GABRR3: variants seen among roughly 807,000 people sequenced by gnomAD.
GABRR3 encodes gamma-aminobutyric acid type A receptor subunit rho3.
Under a neutral mutation model 43.2 loss-of-function variants are expected in GABRR3, and 29 were observed. That is an observed-to-expected ratio of 0.67 (90% CI 0.50 to 0.92). GABRR3 has a LOEUF of 0.92. GABRR3 is among the 40% of genes least tolerant of loss of function. The pLI is 0.00. For synonymous variants in GABRR3, 206 were observed against 195.9 expected, an observed-to-expected ratio of 1.05 and a Z score of -0.43; for missense variants, 576 against 572.3, an observed-to-expected ratio of 1.01 and a Z score of -0.07.
chr3:98,016,959 G>A (rs1056467949), intron 4 of GABRR3, among the ~76,000 whole-genome samples: 4 of 152,112 alleles, frequency 2.6e-5, no homozygotes, highest in African/African-American at 9.7e-5. Context: ...AGAAGAAACA[G>A]AAAAGCAAGG....
intron 6 of GABRR3, 101 bp from the exon 7 acceptor site, chr3:98,008,005 C>T: frequency 1.1e-6 from 1 of 913,522 alleles, no homozygotes; most frequent in Non-Finnish European, 1.6e-6. Flanking sequence ...TTAGTGCCTA[C>T]TCCAATGACA....
At chr3:98,001,853 C>T in intron 7 of GABRR3, 86 bp from the exon 8 acceptor site, 1 of 1,449,444 alleles carries the variant, frequency 6.9e-7, no homozygotes. Flanking sequence ...TCTTTAGACT[C>T]CAAGCTCTTG....
intron 7 of GABRR3, among the ~76,000 whole-genome samples, chr3:98,002,137 T>C (rs1706655410): frequency 6.6e-6 from 1 of 152,126 alleles, no homozygotes; most frequent in Non-Finnish European, 1.5e-5. Flanking sequence ...ATAAACCATT[T>C]ATTAGCTATA....
chr3:98,022,622 T>C (rs951295612), intron 3 of GABRR3, among the ~76,000 whole-genome samples: 1 of 152,222 alleles, frequency 6.6e-6, no homozygotes, highest in Admixed American at 6.5e-5. Context: ...CAAGAGAAGG[T>C]TAAGGGGTGT....
At chr3:98,019,824 A>G (rs764573690) in intron 3 of GABRR3, among the ~76,000 whole-genome samples, 9 of 152,140 alleles carry the variant, frequency 5.9e-5, no homozygotes, top group Non-Finnish European at 1.2e-4. Context: ...TAGGCCTCCT[A>G]AAGTGCTGGG....
intron 8 of GABRR3, 56 bp downstream of exon 8, chr3:98,001,559 A>G (rs1706642213): frequency 6.3e-7 from 1 of 1,583,478 alleles, no homozygotes; most frequent in Non-Finnish European, 8.6e-7. Context: ...CATTTTATTT[A>G]CCTCCCTTGA....
exon 8 of GABRR3, chr3:98,001,746 A>G: frequency 6.2e-7 from 1 of 1,613,180 alleles, no homozygotes; most frequent in Non-Finnish European, 8.5e-7. Context: ...CACAAAGTTG[A>G]TGAAAAGCCT....
chr3:98,022,331 T>A (rs545834137), intron 3 of GABRR3, among the ~76,000 whole-genome samples: 1 of 152,230 alleles, frequency 6.6e-6, no homozygotes, highest in African/African-American at 2.4e-5. Flanking sequence ...AGTCAATTAA[T>A]CTTCTAATGC....
intron 4 of GABRR3, among the ~76,000 whole-genome samples, chr3:98,015,026 A>G (rs1706856692): frequency 6.6e-6 from 1 of 152,254 alleles, no homozygotes; most frequent in Non-Finnish European, 1.5e-5. Context: ...AAAGTTTTAT[A>G]AGAACACACA....
At chr3:98,030,285 A>G (rs1707072329) in intron 2 of GABRR3, among the ~76,000 whole-genome samples, 1 of 152,194 alleles carries the variant, frequency 6.6e-6, no homozygotes, top group Non-Finnish European at 1.5e-5. Flanking sequence ...AGAAAAAAAT[A>G]AAATGTGTGA....
At chr3:97,988,841 G>A (rs1706422431) in intron 9 of GABRR3, among the ~76,000 whole-genome samples, 1 of 151,038 alleles carries the variant, frequency 6.6e-6, no homozygotes, top group Non-Finnish European at 1.5e-5. Flanking sequence ...GGTGGATGGT[G>A]ACAGTTGATG....
rs746458184 is a variant in GABRR3 at position 97,992,803 on chromosome 3, GT to G, written c.1104+48del. 45 of 1,512,164 alleles carry G rather than the reference GT, an allele frequency of 3.0e-5. No individual in the cohort carries two copies. The South Asian group carries it at 6.0e-4, about 20-fold the overall frequency. The allele number at this position is 1,512,164 out of a possible 1,614,324, so 93.7% of individuals were successfully genotyped here. ...CAAGAGAGGGCAATAGATAAGGGTAGTCTTTTCCACATTCCCCAAGGGATCT... is the reference window on the plus strand; with the variant it reads ...CAAGAGAGGGCAATAGATAAGGGTAGCTTTTCCACATTCCCCAAGGGATCT... On this transcript the variant is annotated intron_variant, in intron 9 of 9. Transcript: ENST00000621172.
intron 2 of GABRR3, among the ~76,000 whole-genome samples, chr3:98,033,689 T>C (rs897154408): frequency 6.6e-6 from 1 of 152,080 alleles, no homozygotes; most frequent in Non-Finnish European, 1.5e-5. Flanking sequence ...ATAAGCTATA[T>C]GAAAAAAAAT....
At chr3:98,027,040 C>T (rs1342475773) in intron 2 of GABRR3, among the ~76,000 whole-genome samples, 1 of 152,070 alleles carries the variant, frequency 6.6e-6, no homozygotes, top group Non-Finnish European at 1.5e-5. Flanking sequence ...ACATGTTAAG[C>T]CATTATATCC....
At chr3:97,986,844 G>A in exon 10 of GABRR3, 1 of 1,612,680 alleles carries the variant, frequency 6.2e-7, no homozygotes, top group Non-Finnish European at 8.5e-7. Flanking sequence ...TCGGTGCTGG[G>A]GCTGCATATC....
At chr3:98,034,372 G>T (rs780994142) in intron 2 of GABRR3, among the ~76,000 whole-genome samples, 2 of 152,050 alleles carry the variant, frequency 1.3e-5, no homozygotes, top group Non-Finnish European at 2.9e-5. Context: ...TGATATTCAT[G>T]ATTTGTCAAA....
rs550934201 is a variant in GABRR3, at chr3:98,020,363, A to G, written c.239-2641T>C. On this transcript the variant is annotated intron_variant, in intron 3 of 9. Coordinates refer to ENST00000621172, the Ensembl canonical transcript of GABRR3. ...TAAATGGCATATAATAAATGTTATC[A>G]CTACTGCAATTAAGCAAAAATATAA... Among the ~76,000 whole-genome samples, 15 of 150,976 alleles carry G rather than the reference A, an allele frequency of 9.9e-5. 1 individual carries two copies. The East Asian group carries it at 2.7e-3, about 27-fold the overall frequency.
At chr3:98,012,363 T>C (rs1366955820) in exon 5 of GABRR3, 1 of 1,613,636 alleles carries the variant, frequency 6.2e-7, no homozygotes, top group East Asian at 2.2e-5. Flanking sequence ...AGGAGGACGT[T>C]TCCATCAGGG....
At chr3:98,009,572 A>G (rs1706762794) in intron 5 of GABRR3, among the ~76,000 whole-genome samples, 2 of 152,220 alleles carry the variant, frequency 1.3e-5, no homozygotes, top group Non-Finnish European at 2.9e-5. Context: ...TTCAGGTACT[A>G]TTAAGCCAAA....
Sources: allele counts gnomAD v4.1 joint callset (sites outside exome capture counted in the v4.1 genomes callset), GRCh38; gene constraint gnomAD v4.1.1; transcripts MANE v1.5; gene names NCBI Gene and HGNC (gene_info 2026-07-23, HGNC 2026-07-21).